The following CDC73 variants were observed in gnomAD, a reference collection of about 807,000 sequenced individuals.
CDC73 encodes parafibromin.
CDC73 carries 21 observed loss-of-function variants against 83.7 expected under a neutral mutation model. The observed-to-expected ratio is 0.25, with a 90% confidence interval of 0.18 to 0.36. The LOEUF is 0.36. CDC73 is among the 10% of genes least tolerant of loss of function. CDC73 has a pLI of 1.00. For missense variants in CDC73, 342 were observed against 653.3 expected, an observed-to-expected ratio of 0.52 and a Z score of 5.19; for synonymous variants, 224 against 212.9, an observed-to-expected ratio of 1.05 and a Z score of -0.45.
intron 2 of CDC73, 35 bp from the exon 3 acceptor site, chr1:193,130,139 T>C (rs1279034900): frequency 1.1e-6 from 1 of 930,558 alleles, no homozygotes; most frequent in Non-Finnish European, 1.8e-6. Context: ...ATCATTGTTA[T>C]TCATTTCATA....
At chr1:193,249,212 A>G (rs1678004273) in intron 15 of CDC73, among the ~76,000 whole-genome samples, 1 of 152,026 alleles carries the variant, frequency 6.6e-6, no homozygotes, top group African/African-American at 2.4e-5. Context: ...ACCAGCAAAA[A>G]AAATTAGGAC....
In CDC73 at chr1:193,168,086, C is replaced by A. The variant is rs953114864; in HGVS notation, c.972+15642C>A. Among the ~76,000 whole-genome samples, 3 of 152,142 alleles carry A rather than the reference C, an allele frequency of 2.0e-5. No homozygotes were observed. The South Asian group carries it at 6.2e-4, about 32-fold the overall frequency. On this transcript the variant is annotated intron_variant, in intron 10 of 16. Transcript: ENST00000367435. ...ATGTTGGCCAGGCTGGTCCCAAACT[C>A]CTGACCTCAAGTGATCTGCCCGCCT...
chr1:193,220,782 G>T (rs768107931), intron 13 of CDC73, among the ~76,000 whole-genome samples: 4 of 152,062 alleles, frequency 2.6e-5, no homozygotes, highest in Non-Finnish European at 5.9e-5. Flanking sequence ...GATTGCATAT[G>T]TCATCTGATG....
At position 193,253,978 on chromosome 1, in the gene CDC73, A is replaced by G. The variant is rs532839308; in HGVS notation, c.*3266A>G. 132 of 222,974 alleles carry G rather than the reference A, an allele frequency of 5.9e-4. No homozygotes were observed. The highest frequency in any genetic ancestry group is 7.6e-4 in the Non-Finnish European group (85 of 111,650). 13.8% of individuals were successfully genotyped at this position (222,974 alleles called of 1,614,324 possible). ...GAACTAAAGTATATAAAATTTTTTG[A>G]GACTAGCAGTATATTTTATAATATT... On this transcript the variant is annotated 3_prime_UTR_variant, in exon 17 of 17. Transcript: ENST00000367435.
chr1:193,233,287 C>T, intron 14 of CDC73, 133 bp downstream of exon 14: 1 of 801,746 alleles, frequency 1.2e-6, no homozygotes, highest in Non-Finnish European at 2.1e-6. Flanking sequence ...ACTTGAACTC[C>T]TGGGCTCTGT....
At chr1:193,148,255 T>C (rs1676044135) in intron 8 of CDC73, among the ~76,000 whole-genome samples, 1 of 152,230 alleles carries the variant, frequency 6.6e-6, no homozygotes, top group Non-Finnish European at 1.5e-5. Flanking sequence ...GGCCTACTCA[T>C]TGTTGCTTGG....
chr1:193,232,892 A>T (rs1277332571), intron 13 of CDC73, 101 bp from the exon 14 acceptor site: 2 of 1,032,022 alleles, frequency 1.9e-6, no homozygotes, highest in African/African-American at 1.6e-5. Flanking sequence ...AATAAGAAAA[A>T]ACTCTGTCTC....
intron 16 of CDC73, among the ~76,000 whole-genome samples, chr1:193,250,359 C>G (rs1417560163): frequency 6.6e-6 from 1 of 151,746 alleles, no homozygotes; most frequent in Middle Eastern, 3.2e-3. Context: ...TAAGAACAGC[C>G]TATAATCACA....
intron 10 of CDC73, among the ~76,000 whole-genome samples, chr1:193,172,581 G>T (rs1676534152): frequency 6.6e-6 from 1 of 152,042 alleles, no homozygotes; most frequent in Admixed American, 6.6e-5. Context: ...TTCAGTTCTT[G>T]TCATTTTTTT....
chr1:193,138,162 T>A lies in CDC73; in HGVS notation c.501T>A (p.Thr167=), dbSNP rs200603992. 6.2e-7 allele frequency: 1 copy of A among 1,608,202 alleles called. No individual in the cohort carries two copies. Among genetic ancestry groups the A allele is most frequent in the East Asian group, 2.2e-5 (1 of 44,828 alleles). ...GTCACAAAGAAGGGATTGTACAGAC[T>A]GAACAGATTAGGTAAGAATTCTTTT... ...LEGHKEGIVQ[T]EQIRSLSEAM... Residue 167 remains threonine (T), a synonymous_variant, in exon 6 of 17, where the codon ACT becomes ACA. Transcript: ENST00000367435.
At chr1:193,181,983 G>C (rs1369851142) in intron 10 of CDC73, among the ~76,000 whole-genome samples, 1 of 152,084 alleles carries the variant, frequency 6.6e-6, no homozygotes, top group Non-Finnish European at 1.5e-5. Flanking sequence ...GAATGTATTC[G>C]AGAAAAATGT....
At chr1:193,173,849 C>G (rs544581173) in intron 10 of CDC73, among the ~76,000 whole-genome samples, 1 of 151,930 alleles carries the variant, frequency 6.6e-6, no homozygotes, top group African/African-American at 2.4e-5. Context: ...GTAACATGAT[C>G]TAGTGGCAAA....
intron 14 of CDC73, among the ~76,000 whole-genome samples, chr1:193,234,486 G>A (rs1677724818): frequency 6.6e-6 from 1 of 151,402 alleles, no homozygotes; most frequent in South Asian, 2.1e-4. Context: ...TTTTATGTTT[G>A]CAGTGTATTT....
chr1:193,229,496 A>G (rs886144065), intron 13 of CDC73, among the ~76,000 whole-genome samples: 4 of 152,228 alleles, frequency 2.6e-5, no homozygotes, highest in Non-Finnish European at 5.9e-5. Flanking sequence ...GGACGCAGCA[A>G]TAATACGGTT....
At chr1:193,128,621 A>C (rs1558279426) in intron 2 of CDC73, among the ~76,000 whole-genome samples, 1 of 152,176 alleles carries the variant, frequency 6.6e-6, no homozygotes, top group African/African-American at 2.4e-5. Context: ...GGTTTAAAAG[A>C]ATACAAGCAC....
rs550318448 is a variant in CDC73 at position 193,173,929 on chromosome 1, T to A, written c.972+21485T>A. ...TTTGGGATATCTTTATTCTAATATG[T>A]TATGAAAAAATCTGATTTTTGTTGG... On this transcript the variant is annotated intron_variant, in intron 10 of 16. Transcript: ENST00000367435. 1.6e-4 allele frequency among the ~76,000 whole-genome samples: 25 copies of A among 152,284 alleles called. No individual in the cohort carries two copies. The South Asian group carries it at 4.8e-3, about 29-fold the overall frequency.
At chr1:193,130,273 T>A (rs2103118027) in intron 3 of CDC73, 30 bp downstream of exon 3, 3 of 1,244,256 alleles carry the variant, frequency 2.4e-6, no homozygotes, top group South Asian at 1.2e-5. Context: ...TTCCCAGTCT[T>A]AAACAGACAT....
intron 10 of CDC73, among the ~76,000 whole-genome samples, chr1:193,177,930 A>G (rs1284796725): frequency 1.3e-5 from 2 of 152,162 alleles, no homozygotes; most frequent in Non-Finnish European, 2.9e-5. Flanking sequence ...TGGTGTTTTC[A>G]TCTTCTTAAG....
At chr1:193,243,169 T>C (rs1263655648) in intron 15 of CDC73, among the ~76,000 whole-genome samples, 2 of 152,160 alleles carry the variant, frequency 1.3e-5, no homozygotes, top group Non-Finnish European at 2.9e-5. Flanking sequence ...CTCAAACTCC[T>C]GACCTCAGGA....
Sources: allele counts gnomAD v4.1 joint callset (sites outside exome capture counted in the v4.1 genomes callset), GRCh38; gene constraint gnomAD v4.1.1; transcripts MANE v1.5; gene names NCBI Gene and HGNC (gene_info 2026-07-23, HGNC 2026-07-21).